Variants in B3GAT1 observed in about 807,000 individuals in gnomAD.
The protein encoded by B3GAT1 is beta-1,3-glucuronyltransferase 1.
A neutral mutation model predicts 28.4 loss-of-function variants in B3GAT1; 11 were observed. That is an observed-to-expected ratio of 0.39 (90% CI 0.24 to 0.64). The LOEUF (loss-of-function observed/expected upper bound fraction) is 0.64, where lower values mean the gene tolerates loss of function less well. Ranked by LOEUF, B3GAT1 falls within the 30% of genes least tolerant of loss-of-function variation. The pLI is 0.50. For missense variants in B3GAT1, 375 were observed against 491.0 expected (o/e 0.76, Z 2.23); for synonymous variants, 255 against 223.1 (o/e 1.14, Z -1.27).
In B3GAT1 at chr11:134,384,069, G is replaced by T. The variant is rs775297982; in HGVS notation, c.232C>A (p.Pro78Thr). 1.7e-5 allele frequency: 27 copies of T among 1,602,770 alleles called. No individual in the cohort carries two copies. Among genetic ancestry groups the T allele is most frequent in the Non-Finnish European group, 2.3e-5 (27 of 1,178,046 alleles). The change falls in exon 3 of 6, where the codon CCA becomes ACA. Residue 78 changes from proline to threonine, a missense_variant. Transcript: ENST00000312527. Reference sequence around the variant, plus strand: ...ATGGTGGGCAGCGTGTCGGACCATGGCGGGGGCCGCGTGTACACGTACTCG... The same window carrying T: ...ATGGTGGGCAGCGTGTCGGACCATGTCGGGGGCCGCGTGTACACGTACTCG... ...RTEYVYTRPPPWSDTLPTIHV... is the reference protein window; with the variant it reads ...RTEYVYTRPPTWSDTLPTIHV...
At chr11:134,399,717 G>A (rs539945168) in intron 1 of B3GAT1, among the ~76,000 whole-genome samples, 1 of 152,326 alleles carries the variant, frequency 6.6e-6, no homozygotes, top group Admixed American at 6.5e-5. Context: ...CCAGCCCAAG[G>A]TTGCACTGCT....
At chr11:134,405,061 G>A (rs1944704292) in intron 1 of B3GAT1, among the ~76,000 whole-genome samples, 1 of 152,190 alleles carries the variant, frequency 6.6e-6, no homozygotes, top group Non-Finnish European at 1.5e-5. Context: ...GGGAAGAGGA[G>A]GGAAGAAGAA....
At position 134,382,574 on chromosome 11, in the gene B3GAT1, C is replaced by T. The variant is rs112164035; in HGVS notation, c.918+136G>A. 7.8e-4 allele frequency: 851 copies of T among 1,088,360 alleles called. 6 individuals carry two copies. In the African/African-American group the frequency reaches 9.5e-3, roughly 12 times the overall value. The allele number at this position is 1,088,360 out of a possible 1,614,324, so 67.4% of individuals were successfully genotyped here. A position where few individuals can be genotyped will look rare whatever the true frequency, so the allele number is the denominator to read the frequency against. ...CAGTGTCGCTGCCTTACAGGTGATA[C>T]ACTGCCTTCCTGGGAGGGGGTTCCA... On this transcript the variant is annotated intron_variant, in intron 4 of 5. Transcript: ENST00000312527.
intron 1 of B3GAT1, among the ~76,000 whole-genome samples, chr11:134,406,279 C>A (rs916805931): frequency 3.3e-5 from 5 of 152,242 alleles, no homozygotes; most frequent in Admixed American, 6.5e-5. Context: ...GCTAACCATG[C>A]CTCCTTTGCT....
At chr11:134,399,062 G>T (rs1017238751) in intron 1 of B3GAT1, among the ~76,000 whole-genome samples, 1 of 152,170 alleles carries the variant, frequency 6.6e-6, no homozygotes, top group East Asian at 1.9e-4. Context: ...TCCCCGGGGG[G>T]GCTCACTGCA....
chr11:134,403,608 TCTC>T (rs1944663955), intron 1 of B3GAT1, among the ~76,000 whole-genome samples: 2 of 152,082 alleles, frequency 1.3e-5, no homozygotes, highest in South Asian at 2.1e-4. Flanking sequence ...TGCTCAGACA[TCTC>T]CTGAGTGGGA....
At chr11:134,407,672 C>G (rs772227670) in intron 1 of B3GAT1, among the ~76,000 whole-genome samples, 4 of 151,978 alleles carry the variant, frequency 2.6e-5, no homozygotes, top group Non-Finnish European at 5.9e-5. Flanking sequence ...GCGCAGGGAG[C>G]GCAGGCTCAT....
At chr11:134,408,922 C>G (rs7951463) in intron 1 of B3GAT1, among the ~76,000 whole-genome samples, 3,989 of 55,118 alleles carry the variant, frequency 0.072, 81 homozygotes, top group Middle Eastern at 0.21. Context: ...GGGATAGCCT[C>G]CACCTATTCC....
chr11:134,395,615 T>C lies in B3GAT1; in HGVS notation c.-281-7675A>G, dbSNP rs573337082. ...CAGAACCCTGGAGCCCAGCCTGGGA[T>C]TGGGGGAGAAGTCTGGTATTGAAAG... On this transcript the variant is annotated intron_variant, in intron 1 of 5. Transcript: ENST00000312527. Among the ~76,000 whole-genome samples the C allele has an allele frequency of 1.5e-4, 23 of 152,110 alleles. No homozygotes were observed. The South Asian group carries it at 2.7e-3, about 18-fold the overall frequency.
chr11:134,385,129 G>C (rs569602175), intron 2 of B3GAT1: 1 of 152,166 alleles, frequency 6.6e-6, no homozygotes, highest in Non-Finnish European at 1.5e-5. Flanking sequence ...TAATAGCATC[G>C]AACTTATCGA....
rs1241671364 is a variant in B3GAT1, at chr11:134,412,120, G to C, written c.-595C>G. 3.5e-5 allele frequency among the ~76,000 whole-genome samples: 5 copies of C among 141,884 alleles called. 1 individual carries two copies. The highest frequency in any genetic ancestry group is 7.5e-5 in the African/African-American group (3 of 39,822). The allele number at this position is 141,884 out of a possible 152,430, so 93.1% of individuals were successfully genotyped here. A position where few individuals can be genotyped will look rare whatever the true frequency, so the allele number is the denominator to read the frequency against. On this transcript the variant is annotated 5_prime_UTR_variant, in exon 1 of 6. Transcript: ENST00000312527. ...GGGGGCGGGGAGGGGGAGCGGGGAG[G>C]GGGAGCGGGGAGCGGGCGCGGGGGC...
chr11:134,378,971 G>A lies in B3GAT1; in HGVS notation c.*1791C>T, dbSNP rs1364423511. 6.6e-6 allele frequency: 1 copy of A among 152,182 alleles called. No homozygotes were observed. Among genetic ancestry groups the A allele is most frequent in the Non-Finnish European group, 1.5e-5 (1 of 68,040 alleles). 9.4% of individuals were successfully genotyped at this position (152,182 alleles called of 1,614,324 possible). A position where few individuals can be genotyped will look rare whatever the true frequency, so the allele number is the denominator to read the frequency against. ...CTTGGCACTTGGCTGGCTTCTGTGA[G>A]GCAGTAGAGTGCCCACACATAAGCT... On this transcript the variant is annotated 3_prime_UTR_variant, in exon 6 of 6. Coordinates refer to ENST00000312527, the MANE Select transcript of B3GAT1 (RefSeq NM_054025.3).
At chr11:134,386,265 C>T (rs536112635) in intron 2 of B3GAT1, 1 of 152,372 alleles carries the variant, frequency 6.6e-6, no homozygotes, top group African/African-American at 2.4e-5. Context: ...TGGACACTGC[C>T]TGCATCTTGG....
At chr11:134,394,072 A>C (rs1407187379) in intron 1 of B3GAT1, among the ~76,000 whole-genome samples, 2 of 152,074 alleles carry the variant, frequency 1.3e-5, no homozygotes, top group African/African-American at 2.4e-5. Flanking sequence ...TCCCGGGCCC[A>C]CCACAGCCCT....
intron 5 of B3GAT1, 112 bp from the exon 6 acceptor site, chr11:134,380,859 TG>T: frequency 6.6e-6 from 1 of 152,220 alleles, no homozygotes; most frequent in East Asian, 1.9e-4. Context: ...CCAGGTCCTG[TG>T]GGGGCCTTTC....
At chr11:134,402,107 GC>G (rs1478687627) in intron 1 of B3GAT1, among the ~76,000 whole-genome samples, 4 of 152,186 alleles carry the variant, frequency 2.6e-5, no homozygotes, top group Non-Finnish European at 5.9e-5. Context: ...ACTTTCTCAT[GC>G]CTTTTCCTGC....
In B3GAT1 at chr11:134,400,353, A is replaced by G. The variant is rs79442243; in HGVS notation, c.-282+11454T>C. Among the ~76,000 whole-genome samples, 449 of 152,318 alleles carry G rather than the reference A, an allele frequency of 2.9e-3. 4 individuals are homozygous for G. The highest frequency in any genetic ancestry group is 0.01 in the African/African-American group (436 of 41,568). On this transcript the variant is annotated intron_variant, in intron 1 of 5. Transcript: ENST00000312527. The stretch of plus-strand genomic sequence containing the variant: ...CAGAGCCCAACCCAAAGCAGGAGCT[A>G]TGCCAATATCCCTGTGACTCAGTTT...
chr11:134,386,011 A>G (rs1279222527), intron 2 of B3GAT1: 1 of 152,074 alleles, frequency 6.6e-6, no homozygotes, highest in Non-Finnish European at 1.5e-5. Flanking sequence ...AGTAGTTTTA[A>G]CCCCTCTGGA....
intron 1 of B3GAT1, among the ~76,000 whole-genome samples, chr11:134,405,446 G>A (rs555742213): frequency 8.5e-5 from 13 of 152,328 alleles, no homozygotes; most frequent in Admixed American, 5.9e-4. Flanking sequence ...AGCAATTCAC[G>A]GGTTTCATTA....
Sources: allele counts gnomAD v4.1 joint callset (sites outside exome capture counted in the v4.1 genomes callset), GRCh38; gene constraint gnomAD v4.1.1; transcripts MANE v1.5; gene names NCBI Gene and HGNC (gene_info 2026-07-23, HGNC 2026-07-21).